Variants in C10orf67 observed in about 807,000 individuals in gnomAD.
The protein encoded by C10orf67 is uncharacterized protein C10orf67, mitochondrial.
Under a neutral mutation model 35.6 loss-of-function variants are expected in C10orf67, and 60 were observed. The observed-to-expected ratio is 1.68, with a 90% CI of 1.37 to 2.09. The LOEUF (loss-of-function observed/expected upper bound fraction) is 2.09. C10orf67 is among the 30% of genes most tolerant of loss of function. The pLI is 0.00. For missense variants in C10orf67, 474 were observed against 330.2 expected (o/e 1.44, Z -3.38); for synonymous variants, 167 against 115.8 (o/e 1.44, Z -2.84).
Position 23,312,937 on chromosome 10 carries a change from A to C in C10orf67, c.546+7804T>G, listed in dbSNP as rs557612042. ...GCGTTCGGACTCAAGCTATAACATC[A>C]AGTCTTTCCTGGGTCTCCAGCCTGC... is the stretch of plus-strand genomic sequence containing the variant. On this transcript the variant is annotated intron_variant, in intron 4 of 15. Coordinates refer to ENST00000636213, the MANE Select transcript of C10orf67 (RefSeq NM_001371909.1). 1.1e-4 allele frequency among the ~76,000 whole-genome samples: 16 copies of C among 152,278 alleles called. No homozygotes were observed. In the South Asian group the frequency reaches 2.7e-3, roughly 26 times the overall value.
Position 23,303,374 on chromosome 10 carries a change from T to C in C10orf67, c.632A>G (p.Glu211Gly). The change falls in exon 5 of 16, where the codon GAG becomes GGG. Residue 211 changes from glutamate (E) to glycine (G), a missense_variant. Glu to Gly is a moderately conservative substitution (Grantham distance 98). Coordinates refer to ENST00000636213, the MANE Select transcript of C10orf67 (RefSeq NM_001371909.1). ...TAATTCTTTAATAACTTCTTCTTTC[T>C]CTTTCAGTTTTCTTAACAAAATATT... ...KTNILLRKLKEKEEVIKELKE... is the reference protein window; with the variant it reads ...KTNILLRKLKGKEEVIKELKE... 1.5e-6 allele frequency: 1 copy of C among 653,286 alleles called. No homozygotes were observed. Among genetic ancestry groups the C allele is most frequent in the Non-Finnish European group, 2.8e-6 (1 of 359,610 alleles). 40.5% of individuals were successfully genotyped at this position (653,286 alleles called of 1,614,324 possible).
intron 4 of C10orf67, among the ~76,000 whole-genome samples, chr10:23,306,466 G>A (rs907422578): frequency 1.3e-5 from 2 of 150,270 alleles, no homozygotes; most frequent in Non-Finnish European, 2.9e-5. Flanking sequence ...GGAGGTTGCA[G>A]TGAGCCGAGA....
chr10:23,338,729 C>G (rs1330884225), intron 1 of C10orf67, among the ~76,000 whole-genome samples: 2 of 152,118 alleles, frequency 1.3e-5, no homozygotes, highest in African/African-American at 4.8e-5. Context: ...TCATTTAAGG[C>G]CAGGCACAGT....
At chr10:23,222,568 G>A (rs377236492) in intron 15 of C10orf67, among the ~76,000 whole-genome samples, 36 of 152,118 alleles carry the variant, frequency 2.4e-4, no homozygotes, top group African/African-American at 7.5e-4. Context: ...CACTAATTGG[G>A]TGATGAGTTC....
chr10:23,283,037 T>C (rs1402326794), intron 7 of C10orf67, among the ~76,000 whole-genome samples: 20 of 152,122 alleles, frequency 1.3e-4, no homozygotes. Flanking sequence ...ACTTTAATTG[T>C]ATATTTAAAA....
chr10:23,337,796 A>C (rs1366141320), intron 1 of C10orf67, among the ~76,000 whole-genome samples: 1 of 152,128 alleles, frequency 6.6e-6, no homozygotes, highest in Non-Finnish European at 1.5e-5. Context: ...ACTGAGGGAA[A>C]AAACCTCAAG....
At chr10:23,295,276 C>G (rs1188250543) in intron 5 of C10orf67, among the ~76,000 whole-genome samples, 3 of 152,186 alleles carry the variant, frequency 2.0e-5, no homozygotes, top group East Asian at 1.9e-4. Flanking sequence ...GGTGTGGCTC[C>G]CACCTGCTCT....
chr10:23,229,967 TTTG>T (rs1324321709), intron 13 of C10orf67, among the ~76,000 whole-genome samples: 1 of 152,150 alleles, frequency 6.6e-6, no homozygotes, highest in African/African-American at 2.4e-5. Context: ...TTTTGTTTCT[TTTG>T]TTTTGTTTTT....
intron 8 of C10orf67, among the ~76,000 whole-genome samples, chr10:23,279,907 G>T (rs1193552905): frequency 6.6e-6 from 1 of 152,106 alleles, no homozygotes; most frequent in Non-Finnish European, 1.5e-5. Context: ...CTGAAAAGCA[G>T]TGGTACAATC....
At chr10:23,330,739 C>A (rs369627487) in intron 2 of C10orf67, among the ~76,000 whole-genome samples, 235 of 135,676 alleles carry the variant, frequency 1.7e-3, no homozygotes, top group Middle Eastern at 7.7e-3. Context: ...GACTCTGTCT[C>A]AAAAAAAAAA....
At chr10:23,311,518 C>T (rs1261593607) in intron 4 of C10orf67, among the ~76,000 whole-genome samples, 1 of 152,094 alleles carries the variant, frequency 6.6e-6, no homozygotes, top group Non-Finnish European at 1.5e-5. Context: ...TCGAGACCAG[C>T]CTGACCAACA....
intron 13 of C10orf67, among the ~76,000 whole-genome samples, chr10:23,229,871 A>T (rs533458722): frequency 6.6e-6 from 1 of 152,174 alleles, no homozygotes; most frequent in Non-Finnish European, 1.5e-5. Flanking sequence ...AGATTAGAAG[A>T]CTCAGTGATC....
At chr10:23,302,640 A>G (rs554750056) in intron 5 of C10orf67, among the ~76,000 whole-genome samples, 10 of 152,336 alleles carry the variant, frequency 6.6e-5, no homozygotes, top group Admixed American at 2.0e-4. Context: ...GGCCTGGGAC[A>G]TCCGGTGGCT....
intron 13 of C10orf67, among the ~76,000 whole-genome samples, chr10:23,235,875 G>A (rs1842032441): frequency 6.6e-6 from 1 of 152,136 alleles, no homozygotes; most frequent in Admixed American, 6.5e-5. Flanking sequence ...CCAGCACTTA[G>A]GGAGGCCAAG....
At chr10:23,247,581 C>T (rs1443115666) in intron 12 of C10orf67, among the ~76,000 whole-genome samples, 5 of 152,128 alleles carry the variant, frequency 3.3e-5, no homozygotes, top group Admixed American at 2.6e-4. Flanking sequence ...TGACACATGA[C>T]TGTCATTTAT....
At chr10:23,208,535 GA>G (rs1841218431) in intron 15 of C10orf67, among the ~76,000 whole-genome samples, 1 of 152,180 alleles carries the variant, frequency 6.6e-6, no homozygotes, top group Admixed American at 6.5e-5. Context: ...GACTTTTACA[GA>G]ATGTGCTAGT....
At chr10:23,258,825 T>C (rs1842672275) in intron 10 of C10orf67, among the ~76,000 whole-genome samples, 1 of 152,230 alleles carries the variant, frequency 6.6e-6, no homozygotes, top group East Asian at 1.9e-4. Context: ...GTTCATTGTC[T>C]GGAAAAATGG....
rs535626950 is a variant in C10orf67 at position 23,338,383 on chromosome 10, A to G, written c.207-5201T>C. 2.6e-5 allele frequency among the ~76,000 whole-genome samples: 4 copies of G among 152,304 alleles called. No homozygotes were observed. The South Asian group carries it at 8.3e-4, about 32-fold the overall frequency. On this transcript the variant is annotated intron_variant, in intron 1 of 15. Coordinates refer to ENST00000636213, the MANE Select transcript of C10orf67 (RefSeq NM_001371909.1). ...AGCAGAGATCAATACTGAGCTCCCA[A>G]CGTGGCAGCATGAACCACAGGGAAT...
chr10:23,280,107 A>T (rs1843327574), intron 8 of C10orf67, among the ~76,000 whole-genome samples: 1 of 152,158 alleles, frequency 6.6e-6, no homozygotes, highest in African/African-American at 2.4e-5. Flanking sequence ...CTCCCATCTC[A>T]GTCTCCCAAA....
Sources: gnomAD v4.1 joint callset for allele counts (sites outside exome capture counted in the v4.1 genomes callset) on GRCh38, gnomAD v4.1.1 for gene constraint, MANE v1.5 for transcripts, NCBI Gene and HGNC (gene_info 2026-07-23, HGNC 2026-07-21) for gene names.